The following LAMP1 variants were observed in gnomAD, a reference collection of about 807,000 sequenced individuals.
LAMP1 encodes the protein lysosome-associated membrane glycoprotein 1.
In LAMP1, 7 loss-of-function variants were observed where a neutral mutation model predicts 37.5. That is an observed-to-expected ratio of 0.19 (90% CI 0.11 to 0.35). The LOEUF is 0.35. Among genes scored for constraint, LAMP1 ranks in the 10% least tolerant of loss-of-function variants. The probability of loss-of-function intolerance (pLI) is 1.00; values close to 1 mark genes in which losing one functional copy is unlikely to be tolerated. For missense variants in LAMP1, 537 were observed against 552.8 expected, an observed-to-expected ratio of 0.97 and a Z score of 0.29; for synonymous variants, 236 against 229.1, an observed-to-expected ratio of 1.03 and a Z score of -0.27.
At chr13:113,308,939 CT>C (rs973606382) in intron 2 of LAMP1, among the ~76,000 whole-genome samples, 1 of 152,112 alleles carries the variant, frequency 6.6e-6, no homozygotes, top group African/African-American at 2.4e-5. Flanking sequence ...TAAACACCTT[CT>C]TTGTTTAAAG....
In LAMP1 at chr13:113,321,252, T is replaced by C. The variant is rs952454773; in HGVS notation, c.877-152T>C. On this transcript the variant is annotated intron_variant, in intron 6 of 8. Coordinates refer to ENST00000332556, the MANE Select transcript of LAMP1 (RefSeq NM_005561.4). This position sits in a 1 kb window ranked among gnomAD's most constrained non-coding sequence, Gnocchi z 5.6. The stretch of plus-strand genomic sequence containing the variant: ...CAACGCCTTTTATAGACAAGATCTT[T>C]TGCAGTTTTGTTCTAATACTAGAAA... 3.9e-5 allele frequency: 28 copies of C among 710,050 alleles called. No individual in the cohort carries two copies. The highest frequency in any genetic ancestry group is 6.2e-5 in the Non-Finnish European group (25 of 402,922). 44.0% of individuals were successfully genotyped at this position (710,050 alleles called of 1,614,324 possible). A position where few individuals can be genotyped will look rare whatever the true frequency, so the allele number is the denominator to read the frequency against.
intron 4 of LAMP1, among the ~76,000 whole-genome samples, chr13:113,313,605 A>T (rs1179727024): frequency 6.8e-6 from 1 of 147,518 alleles, no homozygotes; most frequent in African/African-American, 2.6e-5. Context: ...TCCTGGAGGG[A>T]ACCAGTGTGG....
chr13:113,309,870 C>T lies in LAMP1; in HGVS notation c.403+8C>T, dbSNP rs2042620408. On this transcript the variant is annotated splice_region_variant and intron_variant, in intron 3 of 8. Coordinates refer to ENST00000332556, the MANE Select transcript of LAMP1 (RefSeq NM_005561.4). ...CCAATGCGAGCTCCAAAGGTAAGAA[C>T]CAAAATGGGCCGATTATGAAGTGAT... is the stretch of plus-strand genomic sequence containing the variant. 1 of 1,601,480 alleles carries T rather than the reference C, an allele frequency of 6.2e-7. No individual in the cohort carries two copies. Among genetic ancestry groups the T allele is most frequent in the Non-Finnish European group, 8.5e-7 (1 of 1,170,240 alleles).
At chr13:113,318,344 A>G (rs946858863) in intron 4 of LAMP1, among the ~76,000 whole-genome samples, 1 of 152,194 alleles carries the variant, frequency 6.6e-6, no homozygotes, top group Non-Finnish European at 1.5e-5. Context: ...TGGAGTTATG[A>G]GTGGCAGATT....
At chr13:113,319,216 C>G (rs533114495) in intron 4 of LAMP1, among the ~76,000 whole-genome samples, 3 of 152,328 alleles carry the variant, frequency 2.0e-5, no homozygotes, top group Middle Eastern at 3.4e-3. Flanking sequence ...GCAGAACCGT[C>G]CTGGGTAGTG....
intron 4 of LAMP1, among the ~76,000 whole-genome samples, chr13:113,314,126 C>T (rs191155182): frequency 0.033 from 813 of 24,794 alleles, no homozygotes; most frequent in Admixed American, 0.05. Flanking sequence ...CGTGGCCTCC[C>T]GGAGGGAGTC....
At chr13:113,319,788 G>T in intron 5 of LAMP1, 132 bp downstream of exon 5, 1 of 847,064 alleles carries the variant, frequency 1.2e-6, no homozygotes, top group Non-Finnish European at 1.8e-6. Context: ...CTTGCAGGAC[G>T]TGACCCTAGA....
chr13:113,319,517 C>T lies in LAMP1; in HGVS notation c.611C>T (p.Ala204Val), dbSNP rs9577229. 24,337 of 1,613,710 alleles carry T rather than the reference C, an allele frequency of 0.015. 1,626 individuals are homozygous for T. The African/African-American group carries it at 0.16, about 11-fold the overall frequency. The part of the protein sequence containing the change: ...DRPSPTTAPP[A>V]PPSPSPSPVP... ...CCTTCCCCAACCACAGCGCCCCCTGCGCCACCCAGCCCCTCGCCCTCACCC... is the reference window on the plus strand; with the variant it reads ...CCTTCCCCAACCACAGCGCCCCCTGTGCCACCCAGCCCCTCGCCCTCACCC... The change falls in exon 5 of 9, where the codon GCG becomes GTG. Residue 204 changes from alanine (A) to valine (V), a missense_variant. Transcript: ENST00000332556.
chr13:113,310,850 G>C lies in LAMP1; in HGVS notation c.545G>C (p.Ser182Thr), dbSNP rs1254850447. ...ACCATCCAGGCGTACCTTTCCAACAGCAGCTTCAGCCGGGGAGGTAGGACG... is the reference window on the plus strand; with the variant it reads ...ACCATCCAGGCGTACCTTTCCAACACCAGCTTCAGCCGGGGAGGTAGGACG... ...DATIQAYLSN[S>T]SFSRGETRCE... Residue 182 changes from serine (S) to threonine (T), a missense_variant, in exon 4 of 9, where the codon AGC becomes ACC. Ser to Thr is a moderately conservative substitution (Grantham distance 58, BLOSUM62 1). Transcript: ENST00000332556. 6.2e-7 allele frequency: 1 copy of C among 1,613,366 alleles called. No individual in the cohort carries two copies. The highest frequency in any genetic ancestry group is 2.2e-5 in the East Asian group (1 of 44,860).
At chr13:113,300,322 A>G (rs2042563930) in intron 1 of LAMP1, among the ~76,000 whole-genome samples, 1 of 151,930 alleles carries the variant, frequency 6.6e-6, no homozygotes, top group African/African-American at 2.4e-5. Flanking sequence ...CTCTACTAAG[A>G]ATACAAAAAT....
At chr13:113,299,568 A>ATT (rs373040979) in intron 1 of LAMP1, among the ~76,000 whole-genome samples, 159 of 128,748 alleles carry the variant, frequency 1.2e-3, no homozygotes, top group Middle Eastern at 4.5e-3. Flanking sequence ...TGGCCCAAGA[A>ATT]TTTTTTTTTT....
intron 3 of LAMP1, among the ~76,000 whole-genome samples, chr13:113,310,316 A>G (rs1356353138): frequency 6.6e-6 from 1 of 152,132 alleles, no homozygotes; most frequent in African/African-American, 2.4e-5. Flanking sequence ...TCATGAGGTC[A>G]GGAGTTCGAG....
At chr13:113,309,319 T>C (rs971594211) in intron 2 of LAMP1, among the ~76,000 whole-genome samples, 1 of 152,152 alleles carries the variant, frequency 6.6e-6, no homozygotes, top group Non-Finnish European at 1.5e-5. Context: ...CAGGCTGGTC[T>C]TGAACTCCTG....
At chr13:113,312,434 C>T (rs1010024905) in intron 4 of LAMP1, among the ~76,000 whole-genome samples, 2 of 152,210 alleles carry the variant, frequency 1.3e-5, no homozygotes, top group African/African-American at 4.8e-5. Flanking sequence ...TGACAGAGAG[C>T]CACGGCCCAC....
At chr13:113,306,743 TCA>T (rs2042600716) in intron 2 of LAMP1, 137 bp downstream of exon 2, 1 of 936,330 alleles carries the variant, frequency 1.1e-6, no homozygotes, top group African/African-American at 1.7e-5. Context: ...TCTGGTGTTG[TCA>T]GTAACCTGCG....
chr13:113,301,311 C>G (rs2042569856), intron 1 of LAMP1, among the ~76,000 whole-genome samples: 1 of 151,702 alleles, frequency 6.6e-6, no homozygotes, highest in African/African-American at 2.4e-5. Flanking sequence ...ACCAGTGTCT[C>G]TACAAAAAAA....
chr13:113,320,735 C>G lies in LAMP1; in HGVS notation c.876+265C>G, dbSNP rs563598607. 2 of 472,176 alleles carry G rather than the reference C, an allele frequency of 4.2e-6. No individual in the cohort carries two copies. Among genetic ancestry groups the G allele is most frequent in the African/African-American group, 3.8e-5 (2 of 52,030 alleles). 29.2% of individuals were successfully genotyped at this position (472,176 alleles called of 1,614,324 possible). On this transcript the variant is annotated intron_variant, in intron 6 of 8. Coordinates refer to ENST00000332556, the MANE Select transcript of LAMP1 (RefSeq NM_005561.4). The surrounding 1 kb of genome is among the most constrained non-coding windows in gnomAD (Gnocchi z 4.4). Reference sequence around the variant, plus strand: ...GAGGGCATGCAGGCCGTGCGGCCTTCTGGCTTCAGATGCTGCTGCCCTGTG... The same window carrying G: ...GAGGGCATGCAGGCCGTGCGGCCTTGTGGCTTCAGATGCTGCTGCCCTGTG...
chr13:113,318,639 C>T (rs1047971393), intron 4 of LAMP1, among the ~76,000 whole-genome samples: 16 of 152,078 alleles, frequency 1.1e-4, no homozygotes, highest in Non-Finnish European at 2.9e-5. Flanking sequence ...TGCTGAAGGA[C>T]AGAGTCACAT....
chr13:113,321,806 C>T lies in LAMP1; in HGVS notation c.1114+79C>T, dbSNP rs972063651. Reference sequence around the variant, plus strand: ...CCGCCTGTGGACGTTTAGTCGCTTCCGTGTGGGCTGGGGCGACGCCCCTGT... The same window carrying T: ...CCGCCTGTGGACGTTTAGTCGCTTCTGTGTGGGCTGGGGCGACGCCCCTGT... On this transcript the variant is annotated intron_variant, in intron 8 of 8. Coordinates refer to ENST00000332556, the MANE Select transcript of LAMP1 (RefSeq NM_005561.4). The surrounding 1 kb of genome is among the most constrained non-coding windows in gnomAD (Gnocchi z 5.6). 6.3e-6 allele frequency: 9 copies of T among 1,434,556 alleles called. No individual in the cohort carries two copies. The highest frequency in any genetic ancestry group is 3.6e-5 in the South Asian group (3 of 83,032). The allele number at this position is 1,434,556 out of a possible 1,614,324, so 88.9% of individuals were successfully genotyped here. A position where few individuals can be genotyped will look rare whatever the true frequency, so the allele number is the denominator to read the frequency against.
Sources: allele counts gnomAD v4.1 joint callset (sites outside exome capture counted in the v4.1 genomes callset), GRCh38; gene constraint gnomAD v4.1.1; non-coding constraint Gnocchi (gnomAD v3.1); transcripts MANE v1.5; gene names NCBI Gene and HGNC (gene_info 2026-07-23, HGNC 2026-07-21).